Variants in PLEC observed in about 807,000 individuals in gnomAD.
PLEC encodes the protein hemidesmosomal protein 1.
In PLEC, 216 loss-of-function variants were observed where a neutral mutation model predicts 392.8. That is an observed-to-expected ratio of 0.55 (90% CI 0.49 to 0.62). The LOEUF is 0.62. PLEC is among the 20% of genes least tolerant of loss of function. The probability of loss-of-function intolerance (pLI) is 0.00; values close to 1 mark genes in which losing one functional copy is unlikely to be tolerated. For missense variants in PLEC, 6,863 were observed against 6,563.4 expected, an observed-to-expected ratio of 1.05 and a Z score of -1.58; for synonymous variants, 3,621 against 2,980.6, an observed-to-expected ratio of 1.21 and a Z score of -7.00.
Position 143,921,569 on chromosome 8 carries a change from T to C in PLEC, c.8252A>G (p.Asn2751Ser), listed in dbSNP as rs782453445. Residue 2751 changes from asparagine to serine, a missense_variant, in exon 32 of 32, where the codon AAC becomes AGC. Asn to Ser is a conservative substitution (Grantham distance 46). Coordinates refer to ENST00000345136, the MANE Select transcript of PLEC (RefSeq NM_201384.3). ...CACCACACCCTCCTTCACAGCCTCG[T>C]TGACGGTCAGCCGCCGGTTCCGCAC... Reference protein sequence around the residue: ...DPVRNRRLTVNEAVKEGVVGP... With the variant: ...DPVRNRRLTVSEAVKEGVVGP... 1.2e-5 allele frequency: 19 copies of C among 1,612,312 alleles called. No homozygotes were observed. Among genetic ancestry groups the C allele is most frequent in the Middle Eastern group, 3.3e-4 (2 of 6,082 alleles).
At position 143,920,318 on chromosome 8, in the gene PLEC, C is replaced by G; in HGVS notation, c.9503G>C (p.Ser3168Thr). ...CARGCLDEET[S>T]RALSAPRADA... The stretch of plus-strand genomic sequence containing the variant: ...GGCCCTTGGTGCCGACAGGGCCCTG[C>G]TGGTCTCCTCATCCAGGCAGCCTCG... The change falls in exon 32 of 32, where the codon AGC (serine) becomes ACC (threonine). Residue 3168 changes from serine to threonine, a missense_variant. By Grantham distance (58) the Ser-to-Thr change is moderately conservative (BLOSUM62 1). Transcript: ENST00000345136. The G allele has an allele frequency of 6.3e-7, 1 of 1,592,020 alleles. No homozygotes were observed. The highest frequency in any genetic ancestry group is 8.5e-7 in the Non-Finnish European group (1 of 1,174,944).
chr8:143,952,999 C>A (rs1289623599), upstream of PLEC, among the ~76,000 whole-genome samples: 2 of 139,514 alleles, frequency 1.4e-5, no homozygotes, highest in African/African-American at 2.6e-5. Context: ...CCACCCCCCC[C>A]CGCCTCGCAG....
rs1322526135 is a variant in PLEC at position 143,919,803 on chromosome 8, C to T, written c.10018G>A (p.Asp3340Asn). ...QLKDGKTTVK[D>N]LSELGSVRTL... ...CGCACGGAGCCCAGCTCCGAAAGGT[C>T]CTTGACCGTCGTCTTGCCGTCCTTG... The change falls in exon 32 of 32, where the codon GAC (aspartate) becomes AAC (asparagine). Residue 3340 changes from aspartate to asparagine, a missense_variant. Physicochemically the swap from Asp to Asn is conservative, Grantham distance 23. Transcript: ENST00000345136. The T allele has an allele frequency of 6.2e-7, 1 of 1,612,994 alleles. No individual in the cohort carries two copies.
rs573424409 is a variant in PLEC at position 143,916,185 on chromosome 8, C to A, written c.13636G>T (p.Val4546Leu). The A allele has an allele frequency of 1.3e-6, 2 of 1,539,938 alleles. No homozygotes were observed. The highest frequency in any genetic ancestry group is 1.7e-6 in the Non-Finnish European group (2 of 1,143,094). Residue 4546 changes from valine (V) to leucine (L), a missense_variant, in exon 32 of 32, where the codon GTG becomes TTG. Physicochemically the swap from Val to Leu is conservative, Grantham distance 32. Transcript: ENST00000345136. ...SASLGGPESA[V>L]A Reference sequence around the variant, plus strand: ...GGTGGGCGCAGGCAGCCTCAGGCCACGGCAGACTCAGGGCCCCCCAGGGAG... The same window carrying A: ...GGTGGGCGCAGGCAGCCTCAGGCCAAGGCAGACTCAGGGCCCCCCAGGGAG...
chr8:143,952,360 G>C (rs1295472688), upstream of PLEC, among the ~76,000 whole-genome samples: 1 of 152,168 alleles, frequency 6.6e-6, no homozygotes, highest in Non-Finnish European at 1.5e-5. Flanking sequence ...CCAGCCCCAG[G>C]CAGGAAAAGG....
chr8:143,919,062 G>A lies in PLEC; in HGVS notation c.10759C>T (p.Leu3587=), dbSNP rs200006106. 8,498 of 1,611,356 alleles carry A rather than the reference G, an allele frequency of 5.3e-3. 44 individuals are homozygous for A. The highest frequency in any genetic ancestry group is 6.6e-3 in the Non-Finnish European group (7,780 of 1,180,008). Residue 3587 remains leucine, a synonymous_variant, in exon 32 of 32, where the codon CTG becomes TTG. Coordinates refer to ENST00000345136, the MANE Select transcript of PLEC (RefSeq NM_201384.3). The part of the protein sequence containing the change: ...GGSHGGSTMS[L]WEVMQSDLIP... ...AGGTCCGACTGCATCACCTCCCACA[G>A]GGACATGGTGGAGCCGCCGTGGCTG...
chr8:143,933,976 T>G (rs781828963), intron 12 of PLEC, 22 bp downstream of exon 12: 17 of 1,325,944 alleles, frequency 1.3e-5, no homozygotes, highest in Non-Finnish European at 1.8e-5. Context: ...TCCCGCCCAC[T>G]GCCTGCCCCA....
At chr8:143,950,977 G>C (rs1832089036), upstream of PLEC, 2 of 604,708 alleles carry the variant, frequency 3.3e-6, no homozygotes, top group Admixed American at 7.5e-5. Context: ...CTCTGACTCA[G>C]CAGCATGGGC....
Position 143,924,616 on chromosome 8 carries a change from C to T in PLEC, c.5313G>A (p.Lys1771=). The T allele has an allele frequency of 1.9e-6, 3 of 1,541,436 alleles. No individual in the cohort carries two copies. The highest frequency in any genetic ancestry group is 1.9e-5 in the Admixed American group (1 of 52,058). The change falls in exon 31 of 32, where the codon AAG becomes AAA. Residue 1771 remains lysine, a synonymous_variant. Transcript: ENST00000345136. The part of the protein sequence containing the change: ...RAEMEVLLAS[K]ARAEEESRST... ...AGCGCGACTCCTCCTCAGCCCTCGC[C>T]TTGCTGGCCAGCAGCACCTCCATCT... is the stretch of plus-strand genomic sequence containing the variant.
chr8:143,958,674 G>A (rs1554739925), upstream of PLEC: 1 of 454,724 alleles, frequency 2.2e-6, no homozygotes, highest in Non-Finnish European at 4.4e-6. The surrounding 1 kb of genome is among the most constrained non-coding windows in gnomAD (Gnocchi z 4.9). Flanking sequence ...GCCCTCTGGA[G>A]GCCCTCCTCA....
upstream of PLEC, among the ~76,000 whole-genome samples, chr8:143,974,318 C>T (rs552744617): frequency 6.6e-6 from 1 of 152,360 alleles, no homozygotes; most frequent in Admixed American, 6.5e-5. The surrounding 1 kb of genome is among the most constrained non-coding windows in gnomAD (Gnocchi z 5.9). Flanking sequence ...AAAGGTGATG[C>T]TGAAGAAAGC....
At chr8:143,939,278 C>T in intron 1 of PLEC, 72 bp downstream of exon 1, 2 of 1,547,252 alleles carry the variant, frequency 1.3e-6, no homozygotes, top group Middle Eastern at 1.8e-4. Context: ...GCTTTCCTGC[C>T]ACAGGAAGTG....
chr8:143,916,495 G>C lies in PLEC; in HGVS notation c.13326C>G (p.Leu4442=). 2 of 1,611,552 alleles carry C rather than the reference G, an allele frequency of 1.2e-6. No homozygotes were observed. Among genetic ancestry groups the C allele is most frequent in the South Asian group, 1.1e-5 (1 of 91,068 alleles). Residue 4442 remains leucine, a synonymous_variant, in exon 32 of 32, where the codon CTC becomes CTG. Coordinates refer to ENST00000345136, the MANE Select transcript of PLEC (RefSeq NM_201384.3). ...SKYLTCPKTK[L]KISYKDALDR... ...CCAGCGCGTCCTTATAGGAGATCTT[G>C]AGCTTGGTCTTAGGGCAGGTGAGGT...
intron 1 of PLEC, among the ~76,000 whole-genome samples, chr8:143,959,270 G>C (rs1564223744): frequency 1.3e-5 from 2 of 152,264 alleles, no homozygotes; most frequent in Non-Finnish European, 2.9e-5. Flanking sequence ...AGTTCATTGA[G>C]AGGCTGGCTT....
intron 1 of PLEC, among the ~76,000 whole-genome samples, chr8:143,959,778 C>A (rs949521680): frequency 6.6e-6 from 1 of 151,962 alleles, no homozygotes; most frequent in African/African-American, 2.4e-5. Flanking sequence ...GGGCAGATCA[C>A]GAGGTCAGGA....
chr8:143,939,698 C>T (rs371826039), upstream of PLEC: 65 of 1,344,686 alleles, frequency 4.8e-5, 2 homozygotes, highest in South Asian at 4.0e-4. Flanking sequence ...GGGAGTGTCC[C>T]GGCGGGAAGG....
intron 1 of PLEC, among the ~76,000 whole-genome samples, chr8:143,967,335 C>G (rs1554742592): frequency 7.4e-6 from 1 of 134,434 alleles, no homozygotes; most frequent in Admixed American, 8.4e-5. Flanking sequence ...TGCATTCCAG[C>G]CTGGGCAACA....
chr8:143,938,656 T>C lies in PLEC; in HGVS notation c.149A>G (p.Lys50Arg). ...RDRVQKKTFT[K>R]WVNKHLIKAQ... ...CTTGATGAGGTGCTTGTTGACCCACTTGGTGAAGGTTTTCTTCTGCACACG... is the reference window on the plus strand; with the variant it reads ...CTTGATGAGGTGCTTGTTGACCCACCTGGTGAAGGTTTTCTTCTGCACACG... The change falls in exon 2 of 32, where the codon AAG (lysine) becomes AGG (arginine). Residue 50 changes from lysine (K) to arginine (R), a missense_variant. Physicochemically the swap from Lys to Arg is conservative, Grantham distance 26 (BLOSUM62 2). Transcript: ENST00000345136. The C allele has an allele frequency of 6.2e-7, 1 of 1,613,704 alleles. No individual in the cohort carries two copies. Among genetic ancestry groups the C allele is most frequent in the Non-Finnish European group, 8.5e-7 (1 of 1,179,918 alleles).
Position 143,932,543 on chromosome 8 carries a change from G to T in PLEC, c.1834C>A (p.Leu612Ile). 3.7e-6 allele frequency: 6 copies of T among 1,612,574 alleles called. No homozygotes were observed. Among genetic ancestry groups the T allele is most frequent in the Non-Finnish European group, 5.1e-6 (6 of 1,179,938 alleles). The change falls in exon 16 of 32, where the codon CTC becomes ATC. Residue 612 changes from leucine (L) to isoleucine (I), a missense_variant. Leu to Ile is a conservative substitution (Grantham distance 5). Coordinates refer to ENST00000345136, the MANE Select transcript of PLEC (RefSeq NM_201384.3). ...CTGTGCAAGCTCTCCAGGGACCTGAGGCGGGCCTTGGAGGAGTTCTGTGGG... is the reference window on the plus strand; with the variant it reads ...CTGTGCAAGCTCTCCAGGGACCTGATGCGGGCCTTGGAGGAGTTCTGTGGG... ...AKLLNSSKAR[L>I]RSLESLHSFV...
Sources: gnomAD v4.1 joint callset for allele counts (sites outside exome capture counted in the v4.1 genomes callset) on GRCh38, gnomAD v4.1.1 for gene constraint, Gnocchi (gnomAD v3.1) non-coding constraint, MANE v1.5 for transcripts, NCBI Gene and HGNC (gene_info 2026-07-23, HGNC 2026-07-21) for gene names.